LILRB4: variants seen among roughly 807,000 people sequenced by gnomAD.
LILRB4 encodes the protein leukocyte immunoglobulin-like receptor subfamily B member 4.
Under a neutral mutation model 55.2 loss-of-function variants are expected in LILRB4, and 49 were observed. That is an observed-to-expected ratio of 0.89 (90% CI 0.71 to 1.13). The LOEUF (loss-of-function observed/expected upper bound fraction) is 1.13, where lower values mean the gene tolerates loss of function less well. Ranked by LOEUF, LILRB4 falls within the 50% of genes most tolerant of loss-of-function variation. LILRB4 has a pLI of 0.00. For missense variants in LILRB4, 590 were observed against 555.2 expected (o/e 1.06, Z -0.63); for synonymous variants, 229 against 213.8 (o/e 1.07, Z -0.62).
rs1245927281 is a variant in LILRB4, at chr19:54,666,283, G to A, written c.918G>A (p.Glu306=). 6.2e-7 allele frequency: 1 copy of A among 1,609,940 alleles called. No individual in the cohort carries two copies. Among genetic ancestry groups the A allele is most frequent in the Non-Finnish European group, 8.5e-7 (1 of 1,177,762 alleles). The change falls in exon 8 of 12, where the codon GAG becomes GAA. Residue 306 remains glutamate (E), a synonymous_variant. Transcript: ENST00000430952. This position sits in a 1 kb window ranked among gnomAD's most constrained non-coding sequence, Gnocchi z 4.8. ...TCCAACGTCCTCCAGGGGCTGCCGA[G>A]CCAGAGCCCAAGGACGGGGGCCTAC...
Position 54,666,809 on chromosome 19 carries a change from A to G in LILRB4, c.1041+60A>G, listed in dbSNP as rs2065292222. ...CTCCTGGTGCCAGATCTAATCCTGC[A>G]GGACTTCTCTGTCCTCCTTCCCCCG... is the stretch of plus-strand genomic sequence containing the variant. On this transcript the variant is annotated intron_variant, in intron 10 of 11. Transcript: ENST00000430952. This position sits in a 1 kb window ranked among gnomAD's most constrained non-coding sequence, Gnocchi z 4.8. 1.7e-5 allele frequency: 26 copies of G among 1,493,756 alleles called. No homozygotes were observed. Among genetic ancestry groups the G allele is most frequent in the Middle Eastern group, 3.8e-4 (2 of 5,214 alleles). 92.5% of individuals were successfully genotyped at this position (1,493,756 alleles called of 1,614,324 possible).
Position 54,665,188 on chromosome 19 carries a change from A to G in LILRB4, c.757+8A>G. On this transcript the variant is annotated splice_region_variant and intron_variant, in intron 6 of 11. Coordinates refer to ENST00000430952, the Ensembl canonical transcript of LILRB4. The surrounding 1 kb of genome is among the most constrained non-coding windows in gnomAD (Gnocchi z 5.5). The stretch of plus-strand genomic sequence containing the variant: ...GGTCAGTCCCCCACAGTGGTGAGTG[A>G]GGGGCTCTGAGTGGGAGGTGGGCAG... 1 of 1,591,424 alleles carries G rather than the reference A, an allele frequency of 6.3e-7. No individual in the cohort carries two copies. The highest frequency in any genetic ancestry group is 1.1e-5 in the South Asian group (1 of 88,618).
intron 10 of LILRB4, chr19:54,667,422 C>G: frequency 4.9e-6 from 5 of 1,025,440 alleles, no homozygotes; most frequent in South Asian, 1.7e-5. Flanking sequence ...GCAGGAAGGC[C>G]GCGTGAGGCT....
Position 54,666,960 on chromosome 19 carries a change from C to T in LILRB4, c.1041+211C>T. 1.4e-6 allele frequency: 1 copy of T among 719,798 alleles called. No homozygotes were observed. The highest frequency in any genetic ancestry group is 2.7e-5 in the East Asian group (1 of 37,230). 44.6% of individuals were successfully genotyped at this position (719,798 alleles called of 1,614,324 possible). A position where few individuals can be genotyped will look rare whatever the true frequency, so the allele number is the denominator to read the frequency against. On this transcript the variant is annotated intron_variant, in intron 10 of 11. Transcript: ENST00000430952. The surrounding 1 kb of genome is among the most constrained non-coding windows in gnomAD (Gnocchi z 4.8). ...CCTCCCGGGTCCCCTTCCTGCTCCT[C>T]ATCCTCTGTTTGGCCATCTGGTTGT...
exon 3 of LILRB4, chr19:54,663,755 G>A: frequency 6.2e-7 from 1 of 1,613,928 alleles, no homozygotes; most frequent in Non-Finnish European, 8.5e-7. Context: ...TTCTTCCAGG[G>A]CCCCTCCCCA....
At position 54,666,917 on chromosome 19, in the gene LILRB4, C is replaced by T. The variant is rs926849536; in HGVS notation, c.1041+168C>T. ...TGGGACCTCACTCTCTCCTGCTGTC[C>T]TGGGACCTCATGGGCCTCCTCCCGG... On this transcript the variant is annotated intron_variant, in intron 10 of 11. Coordinates refer to ENST00000430952, the Ensembl canonical transcript of LILRB4. The surrounding 1 kb of genome is among the most constrained non-coding windows in gnomAD (Gnocchi z 4.8). 3.8e-6 allele frequency: 3 copies of T among 797,254 alleles called. No individual in the cohort carries two copies. The highest frequency in any genetic ancestry group is 3.4e-5 in the African/African-American group (2 of 59,264). 49.4% of individuals were successfully genotyped at this position (797,254 alleles called of 1,614,324 possible).
intron 1 of LILRB4, 119 bp from the exon 2 acceptor site, chr19:54,663,413 T>C (rs1599915685): frequency 7.3e-7 from 1 of 1,374,746 alleles, no homozygotes; most frequent in Non-Finnish European, 9.7e-7. Context: ...ACCACCGCAC[T>C]CCAGCCTGGG....
In LILRB4 at chr19:54,665,963, A is replaced by T. The variant is rs2065245387; in HGVS notation, c.874+32A>T. ...AGGAAATTGGGGGACCCGTGGGCTG[A>T]TGGAGGGTGGGCTCAGGGCACCAGC... is the stretch of plus-strand genomic sequence containing the variant. On this transcript the variant is annotated intron_variant, in intron 7 of 11. Coordinates refer to ENST00000430952, the Ensembl canonical transcript of LILRB4. This position sits in a 1 kb window ranked among gnomAD's most constrained non-coding sequence, Gnocchi z 5.5. The T allele has an allele frequency of 2.5e-6, 4 of 1,613,602 alleles. No individual in the cohort carries two copies. In the Admixed American group the frequency reaches 6.7e-5, roughly 27 times the overall value.
chr19:54,663,010 C>CT, exon 1 of LILRB4: 1 of 1,614,070 alleles, frequency 6.2e-7, no homozygotes, highest in Non-Finnish European at 8.5e-7. Context: ...ATCTGCACAG[C>CT]TGGGGCCCCT....
chr19:54,667,140 C>T lies in LILRB4; in HGVS notation c.1041+391C>T, dbSNP rs11574579. ...CTGCAGACACAGCAGGGAGCAAAGC[C>T]GCCCCCGCCTCCTGAGCTCACCTCG... is the stretch of plus-strand genomic sequence containing the variant. On this transcript the variant is annotated intron_variant, in intron 10 of 11. Transcript: ENST00000430952. 1.4e-3 allele frequency: 819 copies of T among 578,216 alleles called. 2 individuals carry two copies. Among genetic ancestry groups the T allele is most frequent in the African/African-American group, 0.013 (684 of 54,398 alleles). 35.8% of individuals were successfully genotyped at this position (578,216 alleles called of 1,614,324 possible). A position where few individuals can be genotyped will look rare whatever the true frequency, so the allele number is the denominator to read the frequency against.
chr19:54,664,811 G>A (rs731170), exon 5 of LILRB4: 516,115 of 1,599,766 alleles, frequency 0.32, 86,664 homozygotes, highest in African/African-American at 0.58. Flanking sequence ...TCCTTGGAGG[G>A]TCCCAGGCCC....
Position 54,667,779 on chromosome 19 carries a change from C to T in LILRB4, c.1183C>T (p.Gln395Ter). The T allele has an allele frequency of 6.2e-7, 1 of 1,610,508 alleles. No individual in the cohort carries two copies. Among genetic ancestry groups the T allele is most frequent in the Non-Finnish European group, 8.5e-7 (1 of 1,179,282 alleles). ...GGACAGACAGGCAGAAGAGGACAGA[C>T]AGATGGACACTGAGGTGAGTCCTTT... The change falls in exon 11 of 12, where the codon CAG (glutamine) becomes TAG (stop). Residue 395 changes from glutamine (Q) to a stop codon, truncating the protein, a stop_gained. Coordinates refer to ENST00000430952, the Ensembl canonical transcript of LILRB4. LOFTEE classifies it high-confidence loss of function.
At chr19:54,664,286 T>C (rs1168277914) in exon 4 of LILRB4, 1 of 1,614,018 alleles carries the variant, frequency 6.2e-7, no homozygotes, top group East Asian at 2.2e-5. Flanking sequence ...CAATGGACAC[T>C]TTTCTTCTGA....
In LILRB4 at chr19:54,666,191, A is replaced by AG. The variant is rs2065252596; in HGVS notation, c.875-47dup. 1 of 1,505,084 alleles carries AG rather than the reference A, an allele frequency of 6.6e-7. No individual in the cohort carries two copies. Among genetic ancestry groups the AG allele is most frequent in the Non-Finnish European group, 9.0e-7 (1 of 1,116,470 alleles). The allele number at this position is 1,505,084 out of a possible 1,614,324, so 93.2% of individuals were successfully genotyped here. On this transcript the variant is annotated intron_variant, in intron 7 of 11. Transcript: ENST00000430952. The surrounding 1 kb of genome is among the most constrained non-coding windows in gnomAD (Gnocchi z 4.8). Reference sequence around the variant, plus strand: ...TCCTCTTGACTTGCATGTGCAAGGCAGGTGGTTCTAACGTTCCCAGAGCTG... The same window carrying AG: ...TCCTCTTGACTTGCATGTGCAAGGCAGGGTGGTTCTAACGTTCCCAGAGCTG...
At chr19:54,663,011 T>C (rs764400016) in exon 1 of LILRB4, 1 of 1,614,044 alleles carries the variant, frequency 6.2e-7, no homozygotes, top group Non-Finnish European at 8.5e-7. Context: ...TCTGCACAGC[T>C]GGGGCCCCTG....
chr19:54,665,372 G>A lies in LILRB4; in HGVS notation c.757+192G>A, dbSNP rs1183577598. On this transcript the variant is annotated intron_variant, in intron 6 of 11. Transcript: ENST00000430952. This position sits in a 1 kb window ranked among gnomAD's most constrained non-coding sequence, Gnocchi z 5.5. ...TTCCTTTCAGCTCTGACTCCCAGCT[G>A]TGCCCTCCTGGGAGAGGAGGCCTCC... Among the ~76,000 whole-genome samples the A allele has an allele frequency of 6.6e-6, 1 of 152,108 alleles. No individual in the cohort carries two copies. The highest frequency in any genetic ancestry group is 1.5e-5 in the Non-Finnish European group (1 of 68,016).
At position 54,665,162 on chromosome 19, in the gene LILRB4, G is replaced by A. The variant is rs1209682131; in HGVS notation, c.739G>A (p.Gly247Arg). ...TGAGGACCAGCCCCTCATGCCTACA[G>A]GGTCAGTCCCCCACAGTGGTGAGTG... The change falls in exon 6 of 12, where the codon GGG (glycine) becomes AGG (arginine). Residue 247 changes from glycine to arginine, a missense_variant. Transcript: ENST00000430952. This position sits in a 1 kb window ranked among gnomAD's most constrained non-coding sequence, Gnocchi z 5.5. The A allele has an allele frequency of 6.2e-7, 1 of 1,604,494 alleles. No homozygotes were observed. The highest frequency in any genetic ancestry group is 1.7e-5 in the Admixed American group (1 of 59,332).
Position 54,667,423 on chromosome 19 carries a change from G to A in LILRB4, c.1042-215G>A, listed in dbSNP as rs750194974. The A allele has an allele frequency of 1.2e-4, 118 of 963,538 alleles. 1 individual carries two copies. Among genetic ancestry groups the A allele is most frequent in the Middle Eastern group, 3.5e-4 (1 of 2,898 alleles). The allele number at this position is 963,538 out of a possible 1,614,324, so 59.7% of individuals were successfully genotyped here. A position where few individuals can be genotyped will look rare whatever the true frequency, so the allele number is the denominator to read the frequency against. On this transcript the variant is annotated intron_variant, in intron 10 of 11. Coordinates refer to ENST00000430952, the Ensembl canonical transcript of LILRB4. Reference sequence around the variant, plus strand: ...AGCAGCGAGCTCTTGCAGGAAGGCCGCGTGAGGCTGCAGCCAAATGGGCAA... The same window carrying A: ...AGCAGCGAGCTCTTGCAGGAAGGCCACGTGAGGCTGCAGCCAAATGGGCAA...
chr19:54,664,681 G>C, intron 4 of LILRB4, 118 bp from the exon 5 acceptor site: 1 of 1,023,586 alleles, frequency 9.8e-7, no homozygotes, highest in Non-Finnish European at 1.4e-6. Context: ...GAAGGTGCCA[G>C]GTGGACAGAG....
Sources: allele counts gnomAD v4.1 joint callset (sites outside exome capture counted in the v4.1 genomes callset), GRCh38; gene constraint gnomAD v4.1.1; non-coding constraint Gnocchi (gnomAD v3.1); transcripts MANE v1.5; gene names NCBI Gene and HGNC (gene_info 2026-07-23, HGNC 2026-07-21).